CCDC146: variants seen among roughly 807,000 people sequenced by gnomAD.
The protein encoded by CCDC146 is coiled-coil domain-containing protein 146.
Under a neutral mutation model 119.3 loss-of-function variants are expected in CCDC146, and 92 were observed. The ratio of observed to expected loss-of-function variants is 0.77; its 90% confidence interval spans 0.65 to 0.92. CCDC146 has a LOEUF of 0.92. Among genes scored for constraint, CCDC146 ranks in the 40% least tolerant of loss-of-function variants. The probability of loss-of-function intolerance (pLI) is 0.00; values close to 1 mark genes in which losing one functional copy is unlikely to be tolerated. For missense variants in CCDC146, 1,000 were observed against 1,103.0 expected, an observed-to-expected ratio of 0.91 and a Z score of 1.32; for synonymous variants, 372 against 371.8, an observed-to-expected ratio of 1.00 and a Z score of -0.01.
intron 1 of CCDC146, among the ~76,000 whole-genome samples, chr7:77,136,095 T>A (rs1790856762): frequency 6.6e-6 from 1 of 152,184 alleles, no homozygotes; most frequent in African/African-American, 2.4e-5. Context: ...TTCAATTCAA[T>A]GAAGGTGAAA....
intron 2 of CCDC146, among the ~76,000 whole-genome samples, chr7:77,178,169 C>A (rs1249407225): frequency 6.6e-6 from 1 of 152,126 alleles, no homozygotes; most frequent in Non-Finnish European, 1.5e-5. Flanking sequence ...AAAGAAGGCA[C>A]TGTGTTAGGA....
At chr7:77,173,873 C>A (rs1408847914) in intron 2 of CCDC146, among the ~76,000 whole-genome samples, 1 of 152,114 alleles carries the variant, frequency 6.6e-6, no homozygotes, top group African/African-American at 2.4e-5. Context: ...GTGTACAGAT[C>A]AGGTTTTTTA....
intron 2 of CCDC146, among the ~76,000 whole-genome samples, chr7:77,180,395 A>G (rs575815769): frequency 1.8e-4 from 27 of 152,292 alleles, no homozygotes; most frequent in Non-Finnish European, 3.4e-4. Context: ...GCATGCAAAT[A>G]TGTCTTCAAG....
At chr7:77,190,640 C>A (rs1414824666) in intron 2 of CCDC146, among the ~76,000 whole-genome samples, 1 of 152,224 alleles carries the variant, frequency 6.6e-6, no homozygotes, top group Non-Finnish European at 1.5e-5. Context: ...GAATTCGGGA[C>A]ACTCCATGTT....
chr7:77,293,235 G>T (rs1004489174), intron 18 of CCDC146, 35 bp downstream of exon 18: 7 of 1,599,422 alleles, frequency 4.4e-6, no homozygotes, highest in Non-Finnish European at 6.0e-6. Context: ...TTTCTAAAGG[G>T]TGCCAGCAGG....
chr7:77,184,726 T>C (rs1387886631), intron 2 of CCDC146, among the ~76,000 whole-genome samples: 1 of 152,186 alleles, frequency 6.6e-6, no homozygotes, highest in Non-Finnish European at 1.5e-5. Flanking sequence ...CTTTCTGTCA[T>C]GGTTGTTGTA....
intron 2 of CCDC146, among the ~76,000 whole-genome samples, chr7:77,218,909 T>A (rs1383397696): frequency 6.6e-6 from 1 of 151,984 alleles, no homozygotes; most frequent in Non-Finnish European, 1.5e-5. Context: ...CTCTATTTTT[T>A]AAAAAAACTT....
At chr7:77,266,228 A>G (rs953506120) in intron 9 of CCDC146, among the ~76,000 whole-genome samples, 5 of 152,164 alleles carry the variant, frequency 3.3e-5, no homozygotes, top group Non-Finnish European at 7.4e-5. Flanking sequence ...TGAATATGAC[A>G]CTTTCTATAT....
intron 14 of CCDC146, among the ~76,000 whole-genome samples, chr7:77,281,145 C>G (rs1793757266): frequency 7.4e-6 from 1 of 135,972 alleles, no homozygotes; most frequent in Non-Finnish European, 1.6e-5. Context: ...GAAAGAAATA[C>G]CGTCCTATGT....
At chr7:77,255,158 A>G (rs1051575579) in intron 5 of CCDC146, among the ~76,000 whole-genome samples, 3 of 152,198 alleles carry the variant, frequency 2.0e-5, no homozygotes, top group Non-Finnish European at 4.4e-5. Flanking sequence ...CAGACTCAAT[A>G]AAGAGCAAAC....
intron 2 of CCDC146, among the ~76,000 whole-genome samples, chr7:77,176,567 G>T (rs1791503358): frequency 6.6e-6 from 1 of 152,102 alleles, no homozygotes; most frequent in South Asian, 2.1e-4. Flanking sequence ...GCCTATGGGG[G>T]AAGTCTCTGG....
Position 77,295,152 on chromosome 7 carries a change from T to C in CCDC146, c.*286T>C, listed in dbSNP as rs1170659562. 3.5e-6 allele frequency: 1 copy of C among 286,658 alleles called. No individual in the cohort carries two copies. Among genetic ancestry groups the C allele is most frequent in the African/African-American group, 2.2e-5 (1 of 45,162 alleles). 17.8% of individuals were successfully genotyped at this position (286,658 alleles called of 1,614,324 possible). Reference sequence around the variant, plus strand: ...ATATTGAGTACATTCCAGAAATTTGTAGTAGGCAAGGTGCTATAAAAATGC... The same window carrying C: ...ATATTGAGTACATTCCAGAAATTTGCAGTAGGCAAGGTGCTATAAAAATGC... On this transcript the variant is annotated 3_prime_UTR_variant, in exon 19 of 19. Coordinates refer to ENST00000285871, the MANE Select transcript of CCDC146 (RefSeq NM_020879.3).
At position 77,256,319 on chromosome 7, in the gene CCDC146, C is replaced by T. The variant is rs1210419626; in HGVS notation, c.508-14C>T. 1.3e-6 allele frequency: 2 copies of T among 1,575,620 alleles called. No individual in the cohort carries two copies. Among genetic ancestry groups the T allele is most frequent in the Non-Finnish European group, 1.7e-6 (2 of 1,164,972 alleles). ...TCAGACTATATAACCTAATCATCTT[C>T]ACGACTTTTAAAGGAAATGGAGAAG... On this transcript the variant is annotated splice_polypyrimidine_tract_variant and intron_variant, in intron 5 of 18. Transcript: ENST00000285871.
chr7:77,163,811 A>G (rs983509531), intron 1 of CCDC146, among the ~76,000 whole-genome samples: 1 of 150,634 alleles, frequency 6.6e-6, no homozygotes, highest in Non-Finnish European at 1.5e-5. Flanking sequence ...CTAATCTGCT[A>G]CTATTGTTTA....
intron 1 of CCDC146, among the ~76,000 whole-genome samples, chr7:77,136,195 G>A (rs1229525486): frequency 6.6e-6 from 1 of 152,160 alleles, no homozygotes; most frequent in Non-Finnish European, 1.5e-5. Context: ...AAAGAAGAAA[G>A]ATCTAGAATT....
chr7:77,242,961 T>C (rs1792878138), intron 4 of CCDC146, among the ~76,000 whole-genome samples: 1 of 152,140 alleles, frequency 6.6e-6, no homozygotes, highest in African/African-American at 2.4e-5. Flanking sequence ...AATTGGAGGT[T>C]TTTTTGTCTT....
At chr7:77,198,520 T>C (rs1017968191) in intron 2 of CCDC146, 7 of 154,296 alleles carry the variant, frequency 4.5e-5, no homozygotes, top group Non-Finnish European at 8.6e-5. Context: ...GAGGATGGGT[T>C]CTACTTCTAT....
chr7:77,225,737 G>A (rs945603007), intron 2 of CCDC146, among the ~76,000 whole-genome samples: 6 of 152,136 alleles, frequency 3.9e-5, no homozygotes, highest in Non-Finnish European at 8.8e-5. Context: ...GATGTCAGAA[G>A]TTCAAGACCA....
intron 2 of CCDC146, among the ~76,000 whole-genome samples, chr7:77,168,391 A>C (rs2117486567): frequency 6.6e-6 from 1 of 151,952 alleles, no homozygotes; most frequent in Non-Finnish European, 1.5e-5. Flanking sequence ...CTATGTATTC[A>C]GCTGTTACCT....
Sources: gnomAD v4.1 joint callset for allele counts (sites outside exome capture counted in the v4.1 genomes callset) on GRCh38, gnomAD v4.1.1 for gene constraint, MANE v1.5 for transcripts, NCBI Gene and HGNC (gene_info 2026-07-23, HGNC 2026-07-21) for gene names.